Variants in TTC7A observed in about 807,000 individuals in gnomAD.
TTC7A encodes tetratricopeptide repeat domain 7A.
Under a neutral mutation model 103.7 loss-of-function variants are expected in TTC7A, and 110 were observed. That is an observed-to-expected ratio of 1.06 (90% CI 0.91 to 1.24). The LOEUF (loss-of-function observed/expected upper bound fraction) is 1.24. TTC7A is among the 50% of genes most tolerant of loss of function. The pLI is 0.00. For synonymous variants in TTC7A, 521 were observed against 467.9 expected (o/e 1.11, Z -1.47); for missense variants, 1,340 against 1,116.3 (o/e 1.20, Z -2.86).
chr2:46,926,962 G>A (rs889751888), intron 2 of TTC7A, among the ~76,000 whole-genome samples: 1 of 147,658 alleles, frequency 6.8e-6, no homozygotes, highest in East Asian at 1.9e-4. Context: ...TTTGTGAACA[G>A]AAAAATATAA....
chr2:46,961,952 T>C (rs1479023209), intron 3 of TTC7A, among the ~76,000 whole-genome samples: 3 of 152,154 alleles, frequency 2.0e-5, no homozygotes, highest in African/African-American at 7.2e-5. Flanking sequence ...TCAAGGCTCT[T>C]CTAGGATGGC....
chr2:47,054,632 A>G (rs1683162114), intron 18 of TTC7A, among the ~76,000 whole-genome samples: 1 of 152,126 alleles, frequency 6.6e-6, no homozygotes. Flanking sequence ...CAGGAGTTCA[A>G]GACCAACCCA....
chr2:47,014,367 T>C (rs1678408065), intron 11 of TTC7A, among the ~76,000 whole-genome samples: 1 of 152,196 alleles, frequency 6.6e-6, no homozygotes, highest in African/African-American at 2.4e-5. Context: ...ACCTAATTCT[T>C]GCTCCCTAGG....
In TTC7A at chr2:46,991,147, C is replaced by T. The variant is rs1169852612; in HGVS notation, c.765-2303C>T. Reference sequence around the variant, plus strand: ...GCCAGGCTGGTCTTGAACTACTGACCTCAAGTGATCCGCCAGCCTCGGCCT... The same window carrying T: ...GCCAGGCTGGTCTTGAACTACTGACTTCAAGTGATCCGCCAGCCTCGGCCT... On this transcript the variant is annotated intron_variant, in intron 5 of 19. Coordinates refer to ENST00000319190, the MANE Select transcript of TTC7A (RefSeq NM_020458.4). Among the ~76,000 whole-genome samples the T allele has an allele frequency of 2.6e-5, 4 of 151,914 alleles. No homozygotes were observed. The East Asian group carries it at 7.8e-4, about 30-fold the overall frequency.
At chr2:46,989,132 A>G (rs752555095) in intron 5 of TTC7A, among the ~76,000 whole-genome samples, 5 of 152,138 alleles carry the variant, frequency 3.3e-5, no homozygotes, top group Admixed American at 6.5e-5. Flanking sequence ...CCGCTTGCAC[A>G]TCCCACCCAG....
Position 46,941,922 on chromosome 2 carries a change from G to C in TTC7A, c.184+197G>C. On this transcript the variant is annotated intron_variant, in intron 1 of 19. Transcript: ENST00000319190. The surrounding 1 kb of genome is among the most constrained non-coding windows in gnomAD (Gnocchi z 4.2). Reference sequence around the variant, plus strand: ...ATCACATGTGGTTTGGGGGCTTGGAGGGAAGAGAAACGGCTTTTGCTCTGT... The same window carrying C: ...ATCACATGTGGTTTGGGGGCTTGGACGGAAGAGAAACGGCTTTTGCTCTGT... The C allele has an allele frequency of 1.5e-6, 1 of 683,884 alleles. No individual in the cohort carries two copies. Among genetic ancestry groups the C allele is most frequent in the East Asian group, 2.7e-5 (1 of 36,470 alleles). 42.4% of individuals were successfully genotyped at this position (683,884 alleles called of 1,614,324 possible). A position where few individuals can be genotyped will look rare whatever the true frequency, so the allele number is the denominator to read the frequency against.
At chr2:47,058,275 C>T (rs1471981377) in intron 18 of TTC7A, among the ~76,000 whole-genome samples, 2 of 152,226 alleles carry the variant, frequency 1.3e-5, no homozygotes, top group Admixed American at 6.5e-5. Flanking sequence ...CTGATCCTCC[C>T]AAGTTCTCAT....
chr2:46,986,849 CGGTG>C (rs935762689), intron 5 of TTC7A, among the ~76,000 whole-genome samples: 5 of 152,198 alleles, frequency 3.3e-5, no homozygotes, highest in African/African-American at 1.2e-4. Flanking sequence ...CCACTGTGTA[CGGTG>C]GGTGGCGATT....
intron 2 of TTC7A, among the ~76,000 whole-genome samples, chr2:46,932,619 G>A (rs1466413529): frequency 6.6e-6 from 1 of 152,098 alleles, no homozygotes; most frequent in Non-Finnish European, 1.5e-5. Flanking sequence ...AGCAGGTGGA[G>A]GCCAGGTGCA....
chr2:47,005,767 G>C (rs1188180810), intron 8 of TTC7A, among the ~76,000 whole-genome samples, 155 bp from the exon 9 acceptor site: 1 of 152,162 alleles, frequency 6.6e-6, no homozygotes, highest in East Asian at 1.9e-4. Flanking sequence ...TGTGGAGATA[G>C]GAAAAGGCCA....
chr2:47,035,907 C>CA (rs1168658443), intron 15 of TTC7A, among the ~76,000 whole-genome samples: 3 of 152,186 alleles, frequency 2.0e-5, no homozygotes, highest in African/African-American at 7.2e-5. Context: ...GGGGGTCTGA[C>CA]ACAGGGCAGA....
chr2:46,995,330 T>A, intron 8 of TTC7A, 131 bp downstream of exon 8: 1 of 885,166 alleles, frequency 1.1e-6, no homozygotes, highest in South Asian at 1.5e-5. Flanking sequence ...AAGTAGATGC[T>A]TCTTGGCCCT....
chr2:46,982,741 A>C (rs749445539), intron 5 of TTC7A, among the ~76,000 whole-genome samples: 4 of 152,174 alleles, frequency 2.6e-5, no homozygotes, highest in Admixed American at 6.5e-5. Context: ...AGGCAGGAGG[A>C]TTGCTGGAGC....
rs1458511462 is a variant in TTC7A at position 47,023,287 on chromosome 2, G to A, written c.1511-121G>A. 6 of 1,043,690 alleles carry A rather than the reference G, an allele frequency of 5.7e-6. No homozygotes were observed. The Admixed American group carries it at 6.5e-5, about 11-fold the overall frequency. 64.7% of individuals were successfully genotyped at this position (1,043,690 alleles called of 1,614,324 possible). On this transcript the variant is annotated intron_variant, in intron 12 of 19. Transcript: ENST00000319190. ...CCCAGGCTGCTGGAGTTTGAAGTTT[G>A]CCAGATGGGACCCTGGTGGGGCCTT...
In TTC7A at chr2:47,074,156, G is replaced by A. The variant is rs1685028428; in HGVS notation, c.*233G>A. 8.8e-6 allele frequency: 5 copies of A among 567,436 alleles called. No individual in the cohort carries two copies. In the South Asian group the frequency reaches 1.0e-4, roughly 12 times the overall value. 35.2% of individuals were successfully genotyped at this position (567,436 alleles called of 1,614,324 possible). ...GACTTGAACCCTAAGTGCCTTTGGA[G>A]AGTTTTGTGGTGACCAGACTTGCTC... On this transcript the variant is annotated 3_prime_UTR_variant, in exon 20 of 20. Transcript: ENST00000319190.
intron 19 of TTC7A, among the ~76,000 whole-genome samples, chr2:47,073,377 C>G (rs2103670102): frequency 6.6e-6 from 1 of 152,274 alleles, no homozygotes; most frequent in South Asian, 2.1e-4. Flanking sequence ...AACTGAGGGC[C>G]AGAGAGCTGG....
chr2:46,939,010 C>CAAAAA (rs1190579295), upstream of TTC7A, among the ~76,000 whole-genome samples: 1 of 76,992 alleles, frequency 1.3e-5, no homozygotes, highest in African/African-American at 4.4e-5. Context: ...GACTCTGTCT[C>CAAAAA]AAAAAAAAAA....
chr2:46,958,678 G>A, intron 3 of TTC7A: 2 of 594,534 alleles, frequency 3.4e-6, no homozygotes, highest in Non-Finnish European at 5.2e-6. Context: ...TCCCTGTCCT[G>A]CTGCAGTGAC....
chr2:47,056,589 G>A (rs1251198031), intron 18 of TTC7A, among the ~76,000 whole-genome samples: 1 of 152,236 alleles, frequency 6.6e-6, no homozygotes, highest in African/African-American at 2.4e-5. Context: ...TTGGCAGGAA[G>A]ACTGGAACCA....
Sources: allele counts gnomAD v4.1 joint callset (sites outside exome capture counted in the v4.1 genomes callset), GRCh38; gene constraint gnomAD v4.1.1; non-coding constraint Gnocchi (gnomAD v3.1); transcripts MANE v1.5; gene names NCBI Gene and HGNC (gene_info 2026-07-23, HGNC 2026-07-21).